ADGRL2: variants seen among roughly 807,000 people sequenced by gnomAD.
The protein encoded by ADGRL2 is calcium-independent alpha-latrotoxin receptor 2.
A neutral mutation model predicts 157.4 loss-of-function variants in ADGRL2; 44 were observed. The observed-to-expected ratio is 0.28, with a 90% CI of 0.22 to 0.36. ADGRL2 has a LOEUF of 0.36. ADGRL2 is among the 10% of genes least tolerant of loss of function. The pLI, the probability that ADGRL2 is intolerant of heterozygous loss-of-function variation, is 1.00. For missense variants in ADGRL2, 1,510 were observed against 1,768.9 expected (o/e 0.85, Z 2.63); for synonymous variants, 585 against 624.7 (o/e 0.94, Z 0.95).
At chr1:81,886,145 C>T (rs1039197228) in intron 2 of ADGRL2, among the ~76,000 whole-genome samples, 4 of 152,066 alleles carry the variant, frequency 2.6e-5, no homozygotes, top group African/African-American at 9.7e-5. Flanking sequence ...TAGATATACA[C>T]GTTATTTCTT....
chr1:81,526,059 C>A (rs1442419187), intron 2 of ADGRL2, among the ~76,000 whole-genome samples: 1 of 151,292 alleles, frequency 6.6e-6, no homozygotes, highest in Non-Finnish European at 1.5e-5. Flanking sequence ...CTGTGTCTTC[C>A]CAGTTTAATT....
At chr1:81,706,866 A>G (rs1345093533) in intron 1 of ADGRL2, among the ~76,000 whole-genome samples, 2 of 152,112 alleles carry the variant, frequency 1.3e-5, no homozygotes, top group Non-Finnish European at 1.5e-5. Context: ...CAGGAGAGAA[A>G]TTTCATGAAG....
At chr1:81,555,887 T>C (rs796879456) in intron 2 of ADGRL2, among the ~76,000 whole-genome samples, 3 of 152,280 alleles carry the variant, frequency 2.0e-5, no homozygotes, top group African/African-American at 7.2e-5. Flanking sequence ...GTAGCTCACT[T>C]ATGCCCCCAT....
intron 2 of ADGRL2, among the ~76,000 whole-genome samples, chr1:81,858,175 T>G (rs965412730): frequency 1.3e-4 from 20 of 152,150 alleles, no homozygotes; most frequent in African/African-American, 4.3e-4. Context: ...AAACTCAGTA[T>G]TATTCTTTTG....
At chr1:81,328,346 G>A (rs891650591) in intron 1 of ADGRL2, among the ~76,000 whole-genome samples, 3 of 152,072 alleles carry the variant, frequency 2.0e-5, no homozygotes, top group African/African-American at 7.2e-5. Flanking sequence ...GACACCAGAA[G>A]AGTTCCATCA....
At chr1:81,720,422 C>T (rs1291113594) in intron 1 of ADGRL2, among the ~76,000 whole-genome samples, 1 of 151,922 alleles carries the variant, frequency 6.6e-6, no homozygotes, top group African/African-American at 2.4e-5. Context: ...CCGCCTGCCT[C>T]GGCCTCCCAA....
intron 2 of ADGRL2, among the ~76,000 whole-genome samples, chr1:81,528,915 T>C (rs958259991): frequency 6.6e-6 from 1 of 152,144 alleles, no homozygotes; most frequent in Non-Finnish European, 1.5e-5. Flanking sequence ...GTGAGGAAGA[T>C]AGCAGATGCT....
intron 2 of ADGRL2, among the ~76,000 whole-genome samples, chr1:81,529,712 C>T (rs920681950): frequency 2.0e-5 from 3 of 152,280 alleles, no homozygotes; most frequent in East Asian, 1.9e-4. Flanking sequence ...ATAATTTCTC[C>T]TCAGTTTACT....
At chr1:81,894,342 G>C (rs2094335834) in intron 2 of ADGRL2, among the ~76,000 whole-genome samples, 1 of 152,040 alleles carries the variant, frequency 6.6e-6, no homozygotes, top group South Asian at 2.1e-4. Flanking sequence ...GCTGCATTTT[G>C]TTTTATTTAT....
intron 2 of ADGRL2, among the ~76,000 whole-genome samples, chr1:81,776,221 C>T (rs1203395603): frequency 1.3e-5 from 2 of 149,188 alleles, no homozygotes; most frequent in African/African-American, 2.5e-5. Flanking sequence ...TGGAGTCTCA[C>T]TCTGTCGCCT....
At chr1:81,875,170 G>C (rs755719345) in intron 2 of ADGRL2, among the ~76,000 whole-genome samples, 1 of 152,130 alleles carries the variant, frequency 6.6e-6, no homozygotes, top group East Asian at 1.9e-4. Context: ...AGGCAGCCCA[G>C]TGATGGTGGG....
chr1:81,402,925 G>A (rs780159962), intron 1 of ADGRL2, among the ~76,000 whole-genome samples: 1 of 152,176 alleles, frequency 6.6e-6, no homozygotes, highest in African/African-American at 2.4e-5. Context: ...CATGCTAGGT[G>A]CCAGAGATAA....
At chr1:81,565,503 G>A (rs2080538462) in intron 2 of ADGRL2, among the ~76,000 whole-genome samples, 1 of 152,144 alleles carries the variant, frequency 6.6e-6, no homozygotes, top group Admixed American at 6.6e-5. Context: ...GTTTCAAAGA[G>A]GCACTTGTGT....
At chr1:81,744,753 C>T (rs1231394955) in intron 1 of ADGRL2, among the ~76,000 whole-genome samples, 2 of 152,046 alleles carry the variant, frequency 1.3e-5, no homozygotes, top group Non-Finnish European at 2.9e-5. Flanking sequence ...AGTGGAAGAA[C>T]AAAACAGACA....
intron 2 of ADGRL2, among the ~76,000 whole-genome samples, chr1:81,899,192 CTT>C (rs2094445527): frequency 6.6e-6 from 1 of 152,188 alleles, no homozygotes; most frequent in South Asian, 2.1e-4. Flanking sequence ...TTAATGGAGA[CTT>C]TGTTAGAAAA....
chr1:81,863,422 A>G (rs72941187), intron 2 of ADGRL2, among the ~76,000 whole-genome samples: 3,920 of 152,248 alleles, frequency 0.026, 178 homozygotes, highest in African/African-American at 0.09. Context: ...CCCAGAAAGG[A>G]TCCTTTTTCA....
chr1:81,366,116 A>G (rs890271959), intron 1 of ADGRL2, among the ~76,000 whole-genome samples: 2 of 152,126 alleles, frequency 1.3e-5, no homozygotes, highest in African/African-American at 2.4e-5. Context: ...TCTTGAAAAT[A>G]TCTATGAAAA....
At chr1:81,474,640 A>C (rs949002518) in intron 2 of ADGRL2, among the ~76,000 whole-genome samples, 9 of 152,316 alleles carry the variant, frequency 5.9e-5, no homozygotes, top group Non-Finnish European at 8.8e-5. Flanking sequence ...GAGTAGAGTC[A>C]AATCACTACA....
intron 2 of ADGRL2, among the ~76,000 whole-genome samples, chr1:81,858,224 C>T (rs2150696681): frequency 6.6e-6 from 1 of 152,190 alleles, no homozygotes; most frequent in African/African-American, 2.4e-5. Flanking sequence ...AGGCTTCATA[C>T]ATAAAATTTG....
Sources: gnomAD v4.1 joint callset for allele counts (sites outside exome capture counted in the v4.1 genomes callset) on GRCh38, gnomAD v4.1.1 for gene constraint, MANE v1.5 for transcripts, NCBI Gene and HGNC (gene_info 2026-07-23, HGNC 2026-07-21) for gene names.